Variants in CEP72 observed in about 807,000 individuals in gnomAD.
CEP72 encodes the protein centrosomal protein 72.
CEP72 carries 78 observed loss-of-function variants against 65.7 expected under a neutral mutation model. The observed-to-expected ratio is 1.19, with a 90% CI of 0.99 to 1.43. The LOEUF (loss-of-function observed/expected upper bound fraction) is 1.43. Among genes scored for constraint, CEP72 ranks in the 40% most tolerant of loss-of-function variants. CEP72 has a pLI of 0.00. For missense variants in CEP72, 914 were observed against 832.9 expected (o/e 1.10, Z -1.20); for synonymous variants, 358 against 351.7 (o/e 1.02, Z -0.20).
At chr5:648,929 G>T (rs1297023182) in intron 11 of CEP72, among the ~76,000 whole-genome samples, 1 of 143,532 alleles carries the variant, frequency 7.0e-6, no homozygotes, top group East Asian at 2.2e-4. Flanking sequence ...AGGTGTGACT[G>T]TGAGGTGTGA....
intron 1 of CEP72, among the ~76,000 whole-genome samples, chr5:613,822 C>T (rs1308882533): frequency 6.6e-6 from 1 of 152,172 alleles, no homozygotes; most frequent in Non-Finnish European, 1.5e-5. Context: ...GGCATCAGTC[C>T]CCAGGTCCTG....
rs1554010789 is a variant in CEP72, at chr5:616,831, T to TGTGC, written c.83-2158_83-2157insTGCG. ...GTGTGTGTGTATGTGTGTGTGTGTG[T>TGTGC]GCGCGCGAGTGGGGGTTTGCTTGCA... is the stretch of plus-strand genomic sequence containing the variant. On this transcript the variant is annotated intron_variant, in intron 1 of 11. Transcript: ENST00000264935. 6.4e-3 allele frequency among the ~76,000 whole-genome samples: 939 copies of TGTGC among 147,838 alleles called. 9 individuals carry two copies. The highest frequency in any genetic ancestry group is 0.025 in the South Asian group (115 of 4,680).
At chr5:669,949 T>C (rs1288653800), downstream of CEP72, among the ~76,000 whole-genome samples, 1 of 152,108 alleles carries the variant, frequency 6.6e-6, no homozygotes, top group Non-Finnish European at 1.5e-5. Context: ...CCTCCGAGTG[T>C]GGAGCTCGGC....
rs998004171 is a variant in CEP72, at chr5:628,968, G to A, written c.512+4389G>A. Among the ~76,000 whole-genome samples the A allele has an allele frequency of 4.1e-5, 6 of 146,096 alleles. 1 individual carries two copies. The highest frequency in any genetic ancestry group is 1.6e-4 in the African/African-American group (6 of 36,434). On this transcript the variant is annotated intron_variant, in intron 4 of 11. Transcript: ENST00000264935. ...GAACTCAGGTCACAGGCCCCGGGGA[G>A]TGTTCCCAGGACCCAGCCCCCTTCT...
At chr5:672,748 G>A in the CEP72 span, among the ~76,000 whole-genome samples, 5 of 152,232 alleles carry the variant, frequency 3.3e-5, no homozygotes, top group East Asian at 7.7e-4. Context: ...GTCCGGTCCC[G>A]CCTGTGCACG....
chr5:648,102 C>A (rs1470060478), intron 11 of CEP72, among the ~76,000 whole-genome samples, 186 bp downstream of exon 11: 1 of 152,262 alleles, frequency 6.6e-6, no homozygotes, highest in Non-Finnish European at 1.5e-5. Context: ...AAACGGAGGC[C>A]CTTCATGCTG....
chr5:623,734 C>T lies in CEP72; in HGVS notation c.404-737C>T, dbSNP rs750799295. ...GCCCTGTGTGCTGGGTGGAGAGTGC[C>T]CCAGGTTGCAGAGGCCTCTGACTCG... is the stretch of plus-strand genomic sequence containing the variant. On this transcript the variant is annotated intron_variant, in intron 3 of 11. Coordinates refer to ENST00000264935, the MANE Select transcript of CEP72 (RefSeq NM_018140.4). This position sits in a 1 kb window ranked among gnomAD's most constrained non-coding sequence, Gnocchi z 5.3. Among the ~76,000 whole-genome samples the T allele has an allele frequency of 7.9e-5, 12 of 151,698 alleles. No individual in the cohort carries two copies. The highest frequency in any genetic ancestry group is 1.5e-4 in the Non-Finnish European group (10 of 67,952).
chr5:669,413 C>T (rs1410267253), downstream of CEP72, among the ~76,000 whole-genome samples: 1 of 152,156 alleles, frequency 6.6e-6, no homozygotes, highest in East Asian at 1.9e-4. Flanking sequence ...CCAGGCCACC[C>T]CAGGCAGCCC....
At chr5:660,535 T>A (rs1275285813), downstream of CEP72, 2 of 152,340 alleles carry the variant, frequency 1.3e-5, no homozygotes, top group Non-Finnish European at 2.9e-5. Context: ...AGCCTCATCT[T>A]CCCCCTGTGC....
chr5:658,327 G>A (rs1206626186), downstream of CEP72, among the ~76,000 whole-genome samples: 2 of 152,246 alleles, frequency 1.3e-5, no homozygotes, highest in Non-Finnish European at 2.9e-5. Flanking sequence ...CATCTCCAGA[G>A]CCTCCCTGAG....
At position 640,574 on chromosome 5, in the gene CEP72, G is replaced by A. The variant is rs370217399; in HGVS notation, c.1509G>A (p.Thr503=). ...ACGCCCGGGAGATGAGCGAGGTGAC[G>A]GCGGAGCTGCACCACACACACAAGG... ...QQHAREMSEV[T]AELHHTHKEL... The change falls in exon 9 of 12, where the codon ACG becomes ACA. Residue 503 remains threonine (T), a synonymous_variant. Coordinates refer to ENST00000264935, the MANE Select transcript of CEP72 (RefSeq NM_018140.4). The A allele has an allele frequency of 1.9e-6, 3 of 1,613,330 alleles. No individual in the cohort carries two copies. The highest frequency in any genetic ancestry group is 2.5e-6 in the Non-Finnish European group (3 of 1,179,990).
chr5:643,872 G>T (rs1229197224), intron 9 of CEP72, among the ~76,000 whole-genome samples: 1 of 152,210 alleles, frequency 6.6e-6, no homozygotes, highest in African/African-American at 2.4e-5. Context: ...AGAACAGAAG[G>T]GGGTTCCTGC....
intron 11 of CEP72, among the ~76,000 whole-genome samples, chr5:650,840 TG>T (rs758386423): frequency 1.7e-4 from 2 of 12,074 alleles, no homozygotes; most frequent in African/African-American, 1.1e-3. Flanking sequence ...CTGTGAGGCG[TG>T]GACTGTGAGG....
rs756540415 is a variant in CEP72 at position 633,936 on chromosome 5, G to A, written c.680G>A (p.Arg227His). The A allele has an allele frequency of 6.1e-5, 99 of 1,611,670 alleles. No individual in the cohort carries two copies. The highest frequency in any genetic ancestry group is 1.3e-4 in the Admixed American group (8 of 60,012). Residue 227 changes from arginine to histidine, a missense_variant, in exon 5 of 12, where the codon CGT (arginine) becomes CAT (histidine). Transcript: ENST00000264935. The part of the protein sequence containing the change: ...FSQKGREADS[R>H]GSQESRHLLS... ...CAGAAGGGGCGTGAGGCCGACTCTCGTGGTTCCCAAGGTGCGCTGCTCATC... is the reference window on the plus strand; with the variant it reads ...CAGAAGGGGCGTGAGGCCGACTCTCATGGTTCCCAAGGTGCGCTGCTCATC...
At chr5:636,809 C>CAAAAAAA (rs76828125) in intron 6 of CEP72, among the ~76,000 whole-genome samples, 1 of 54,458 alleles carries the variant, frequency 1.8e-5, no homozygotes, top group Non-Finnish European at 4.0e-5. Flanking sequence ...GACTCCAACT[C>CAAAAAAA]AAAAAAAAAA....
At chr5:636,350 G>A (rs1737596235) in intron 6 of CEP72, among the ~76,000 whole-genome samples, 1 of 152,184 alleles carries the variant, frequency 6.6e-6, no homozygotes, top group Non-Finnish European at 1.5e-5. Context: ...GTGTGTGTGT[G>A]CACACCCTCC....
chr5:654,677 G>A (rs992378325), downstream of CEP72, among the ~76,000 whole-genome samples: 1 of 152,170 alleles, frequency 6.6e-6, no homozygotes, highest in Non-Finnish European at 1.5e-5. Context: ...GTATGTAAGA[G>A]TATTAGAAGA....
At chr5:621,166 G>A (rs1736365699) in intron 3 of CEP72, among the ~76,000 whole-genome samples, 1 of 152,196 alleles carries the variant, frequency 6.6e-6, no homozygotes, top group Non-Finnish European at 1.5e-5. Context: ...GCCTATAAAC[G>A]TTCCCTGGTT....
At chr5:651,827 C>T (rs1434033685) in intron 11 of CEP72, among the ~76,000 whole-genome samples, 1 of 151,664 alleles carries the variant, frequency 6.6e-6, no homozygotes, top group African/African-American at 2.4e-5. Flanking sequence ...CTCCCCTCCC[C>T]CTTTCATTCC....
Sources: allele counts gnomAD v4.1 joint callset (sites outside exome capture counted in the v4.1 genomes callset), GRCh38; gene constraint gnomAD v4.1.1; non-coding constraint Gnocchi (gnomAD v3.1); transcripts MANE v1.5; gene names NCBI Gene and HGNC (gene_info 2026-07-23, HGNC 2026-07-21).